GPHN: variants seen among roughly 807,000 people sequenced by gnomAD.
GPHN encodes gephyrin.
Under a neutral mutation model 95.5 loss-of-function variants are expected in GPHN, and 17 were observed. The ratio of observed to expected loss-of-function variants is 0.18; its 90% CI spans 0.12 to 0.27. The LOEUF (loss-of-function observed/expected upper bound fraction) is 0.27, where lower values mean the gene tolerates loss of function less well. GPHN is among the 10% of genes least tolerant of loss of function. The pLI is 1.00. For synonymous variants in GPHN, 320 were observed against 322.5 expected, an observed-to-expected ratio of 0.99 and a Z score of 0.08; for missense variants, 660 against 978.1, an observed-to-expected ratio of 0.67 and a Z score of 4.34.
chr14:66,768,775 A>G (rs1254337354), intron 2 of GPHN, among the ~76,000 whole-genome samples: 2 of 152,130 alleles, frequency 1.3e-5, no homozygotes, highest in East Asian at 3.9e-4. Flanking sequence ...AACCATAGAA[A>G]TAGGTACTCA....
At chr14:66,692,159 T>C (rs1204055116) in intron 2 of GPHN, among the ~76,000 whole-genome samples, 3 of 152,180 alleles carry the variant, frequency 2.0e-5, no homozygotes, top group African/African-American at 7.2e-5. Context: ...TAAAGAGGTT[T>C]GAATATATCT....
intron 1 of GPHN, among the ~76,000 whole-genome samples, chr14:66,587,842 C>T (rs1012420381): frequency 6.6e-6 from 1 of 152,214 alleles, no homozygotes; most frequent in African/African-American, 2.4e-5. Flanking sequence ...TGCCTGCCAG[C>T]TCTGAAGAGA....
At chr14:67,575,894 G>C in the GPHN span, 1 of 1,613,932 alleles carries the variant, frequency 6.2e-7, no homozygotes, top group South Asian at 1.1e-5. Context: ...ACTCAGACGA[G>C]GACTATGAGG....
intron 4 of GPHN, among the ~76,000 whole-genome samples, chr14:66,870,656 CAG>C (rs2153527555): frequency 6.6e-6 from 1 of 152,174 alleles, no homozygotes; most frequent in South Asian, 2.1e-4. Context: ...AAGAGTAGGA[CAG>C]AGAAAAATCA....
intron 4 of GPHN, among the ~76,000 whole-genome samples, chr14:66,862,103 A>T (rs771534805): frequency 6.6e-6 from 1 of 152,052 alleles, no homozygotes; most frequent in Non-Finnish European, 1.5e-5. Context: ...CAGAATAACT[A>T]AGAAAAAAGG....
the GPHN span, among the ~76,000 whole-genome samples, chr14:67,708,244 G>A: frequency 0.13 from 19,634 of 152,112 alleles, 1,324 homozygotes; most frequent in East Asian, 0.21. Flanking sequence ...GATCAGCAAC[G>A]TTTTAAGCAA....
chr14:66,752,651 C>T (rs964079862), intron 2 of GPHN, among the ~76,000 whole-genome samples: 14 of 152,048 alleles, frequency 9.2e-5, no homozygotes, highest in Admixed American at 9.2e-4. Flanking sequence ...CAATAGCAGA[C>T]ATGATATTAA....
chr14:67,022,410 C>T (rs1285034812), intron 9 of GPHN, among the ~76,000 whole-genome samples: 5 of 151,624 alleles, frequency 3.3e-5, no homozygotes, highest in African/African-American at 1.2e-4. Flanking sequence ...CAGAATTGTA[C>T]TTAAATAAGA....
chr14:67,631,434 CTTTT>C, the GPHN span, among the ~76,000 whole-genome samples: 1 of 113,158 alleles, frequency 8.8e-6, no homozygotes. Flanking sequence ...TTCTTTCTTT[CTTTT>C]TTTTTTTTTT....
chr14:67,634,470 TG>T, the GPHN span, among the ~76,000 whole-genome samples: 8 of 151,636 alleles, frequency 5.3e-5, no homozygotes, highest in African/African-American at 1.9e-4. Context: ...GTGTGGCTTC[TG>T]TAGTCCCAGC....
chr14:67,169,348 C>A (rs112706047), intron 21 of GPHN, among the ~76,000 whole-genome samples: 1 of 152,204 alleles, frequency 6.6e-6, no homozygotes, highest in Admixed American at 6.5e-5. Context: ...TACCCTAACA[C>A]TAGACCTGTC....
intron 18 of GPHN, among the ~76,000 whole-genome samples, chr14:67,158,044 C>T (rs934478559): frequency 1.3e-5 from 2 of 151,882 alleles, no homozygotes; most frequent in African/African-American, 2.4e-5. Flanking sequence ...CAGTGGTTCA[C>T]GCCTGTAATC....
At chr14:66,848,853 A>G (rs9323486) in intron 4 of GPHN, among the ~76,000 whole-genome samples, 38,096 of 151,778 alleles carry the variant, frequency 0.25, 9,684 homozygotes, top group African/African-American at 0.62. Flanking sequence ...TGAACCCACA[A>G]TTATTACCTA....
intron 1 of GPHN, among the ~76,000 whole-genome samples, chr14:66,633,722 G>C (rs2063949912): frequency 6.6e-6 from 1 of 152,086 alleles, no homozygotes; most frequent in Non-Finnish European, 1.5e-5. Flanking sequence ...TGACTTGCTG[G>C]ATTGTATGGT....
the GPHN span, among the ~76,000 whole-genome samples, chr14:67,308,546 CTTTTTTTT>C: frequency 1.9e-4 from 25 of 131,816 alleles, no homozygotes; most frequent in East Asian, 1.1e-3. Flanking sequence ...TTTTCTTTTT[CTTTTTTTT>C]TTTTTTTTGG....
At chr14:67,359,745 C>A in the GPHN span, 67 of 1,610,250 alleles carry the variant, frequency 4.2e-5, no homozygotes, top group Non-Finnish European at 4.0e-5. Flanking sequence ...GCAACCGAGG[C>A]TGCAATAGCT....
At chr14:66,689,366 T>TC (rs752389625) in intron 2 of GPHN, among the ~76,000 whole-genome samples, 29 of 152,342 alleles carry the variant, frequency 1.9e-4, no homozygotes, top group Non-Finnish European at 3.8e-4. Context: ...TGCTAAACCA[T>TC]CCCATTTATC....
At chr14:67,648,032 C>G in the GPHN span, 4 of 1,592,254 alleles carry the variant, frequency 2.5e-6, no homozygotes, top group Non-Finnish European at 3.4e-6. Context: ...ATTATTTTAT[C>G]CTCTTCCTTT....
At chr14:66,950,781 C>G (rs912199740) in intron 8 of GPHN, among the ~76,000 whole-genome samples, 1 of 151,710 alleles carries the variant, frequency 6.6e-6, no homozygotes, top group Non-Finnish European at 1.5e-5. Context: ...TTTGAACCAC[C>G]CTCTCATTCA....
Sources: allele counts gnomAD v4.1 joint callset (sites outside exome capture counted in the v4.1 genomes callset), GRCh38; gene constraint gnomAD v4.1.1; transcripts MANE v1.5; gene names NCBI Gene and HGNC (gene_info 2026-07-23, HGNC 2026-07-21).